Variants in AMZ2 observed in about 807,000 individuals in gnomAD.
AMZ2 encodes archaemetzincin-2.
A neutral mutation model predicts 36.7 loss-of-function variants in AMZ2; 26 were observed. That is an observed-to-expected ratio of 0.71 (90% CI 0.52 to 0.98). The LOEUF (loss-of-function observed/expected upper bound fraction) is 0.98. AMZ2 is among the 50% of genes least tolerant of loss of function. The pLI is 0.00. For synonymous variants in AMZ2, 144 were observed against 149.1 expected (o/e 0.97, Z 0.25); for missense variants, 394 against 430.5 (o/e 0.92, Z 0.75).
intron 1 of AMZ2, among the ~76,000 whole-genome samples, chr17:68,219,659 G>A (rs1234935953): frequency 3.3e-5 from 5 of 151,556 alleles, no homozygotes; most frequent in Admixed American, 3.3e-4. Flanking sequence ...AGCCTCTCAA[G>A]TAGCTGGGAC....
upstream of AMZ2, among the ~76,000 whole-genome samples, chr17:68,244,610 A>G (rs2073964307): frequency 6.6e-6 from 1 of 152,208 alleles, no homozygotes; most frequent in Non-Finnish European, 1.5e-5. Context: ...CAAATGGTTC[A>G]GGAAAACAAT....
chr17:68,213,575 C>T (rs1172687432), intron 1 of AMZ2, among the ~76,000 whole-genome samples: 3 of 152,186 alleles, frequency 2.0e-5, no homozygotes, highest in South Asian at 2.1e-4. Flanking sequence ...ACGGAATCTT[C>T]GCTGTCTATG....
intron 1 of AMZ2, among the ~76,000 whole-genome samples, chr17:68,220,807 G>T (rs1424531405): frequency 5.0e-5 from 7 of 138,710 alleles, no homozygotes; most frequent in South Asian, 2.4e-4. Flanking sequence ...TTGAGACAGG[G>T]TCTCAATCTG....
At chr17:68,215,020 GCCATCTGCCCTCCT>G (rs1414870380) in intron 1 of AMZ2, among the ~76,000 whole-genome samples, 1 of 152,182 alleles carries the variant, frequency 6.6e-6, no homozygotes, top group Admixed American at 6.5e-5. Context: ...GTGAGCTCAA[GCCATCTGCCCTCCT>G]CGGCCTCTCA....
chr17:68,224,343 A>G (rs1233122567), intron 1 of AMZ2, among the ~76,000 whole-genome samples: 3 of 152,182 alleles, frequency 2.0e-5, no homozygotes, highest in Non-Finnish European at 4.4e-5. Flanking sequence ...AAACAAGAAC[A>G]TGGGCTTTAC....
chr17:68,240,067 G>A (rs1176601865), intron 1 of AMZ2, among the ~76,000 whole-genome samples: 1 of 152,118 alleles, frequency 6.6e-6, no homozygotes, highest in African/African-American at 2.4e-5. Context: ...TATTTCCCAC[G>A]GTTCTAGGAA....
At chr17:68,252,585 C>T (rs550688766) in intron 4 of AMZ2, among the ~76,000 whole-genome samples, 1 of 152,304 alleles carries the variant, frequency 6.6e-6, no homozygotes. Flanking sequence ...CTCACTGCAA[C>T]CTCAACCTCC....
chr17:68,208,714 G>T lies in AMZ2; in HGVS notation c.-67+2476G>T, dbSNP rs2072922029. On this transcript the variant is annotated intron_variant, in intron 1 of 7. Coordinates refer to the AMZ2 transcript ENST00000674770. ...TGGGTCCACACTGCCTTTACGAGCT[G>T]TAATACTCACCGCGACGGTCTGCAG... 3.9e-5 allele frequency among the ~76,000 whole-genome samples: 6 copies of T among 152,294 alleles called. No homozygotes were observed. In the South Asian group the frequency reaches 1.2e-3, roughly 32 times the overall value.
At chr17:68,252,057 C>T (rs1163931225) in intron 4 of AMZ2, among the ~76,000 whole-genome samples, 2 of 151,896 alleles carry the variant, frequency 1.3e-5, no homozygotes, top group Non-Finnish European at 2.9e-5. Flanking sequence ...TTCTCCCCTC[C>T]CCTTAATTAT....
intron 1 of AMZ2, among the ~76,000 whole-genome samples, chr17:68,234,352 G>T (rs542018325): frequency 2.0e-5 from 3 of 151,720 alleles, no homozygotes; most frequent in African/African-American, 4.8e-5. Context: ...GGAGGCTGGG[G>T]TGAAAGGATC....
chr17:68,255,781 T>G lies in AMZ2; in HGVS notation c.832T>G (p.Leu278Val). The change falls in exon 6 of 7, where the codon TTG (leucine) becomes GTG (valine). Residue 278 changes from leucine (L) to valine (V), a missense_variant. Physicochemically the swap from Leu to Val is conservative, Grantham distance 32. Coordinates refer to ENST00000359904, the MANE Select transcript of AMZ2 (RefSeq NM_016627.5). ...LACLMQGSNH[L>V]EEADRRPLNL... ...ATGCCTCATGCAAGGCTCCAACCAC[T>G]TGGAAGAAGCTGACCGGCGCCCTCT... 2.3e-5 allele frequency: 37 copies of G among 1,614,110 alleles called. No individual in the cohort carries two copies. Among genetic ancestry groups the G allele is most frequent in the Non-Finnish European group, 3.1e-5 (37 of 1,179,996 alleles).
intron 1 of AMZ2, among the ~76,000 whole-genome samples, chr17:68,219,799 G>T (rs1288899894): frequency 6.6e-6 from 1 of 151,786 alleles, no homozygotes; most frequent in Non-Finnish European, 1.5e-5. Context: ...CTCCCGAAGT[G>T]CTGGGATTGT....
In AMZ2 at chr17:68,254,384, T is replaced by A; in HGVS notation, c.587-20T>A. 1 of 1,602,002 alleles carries A rather than the reference T, an allele frequency of 6.2e-7. No individual in the cohort carries two copies. Among genetic ancestry groups the A allele is most frequent in the Non-Finnish European group, 8.5e-7 (1 of 1,176,326 alleles). Reference sequence around the variant, plus strand: ...AGGGACCTTACTCTCATTCTGTCACTGTTTGTCCTTTTTTTGTAGGTGTGG... The same window carrying A: ...AGGGACCTTACTCTCATTCTGTCACAGTTTGTCCTTTTTTTGTAGGTGTGG... On this transcript the variant is annotated intron_variant, in intron 4 of 6. Coordinates refer to ENST00000359904, the MANE Select transcript of AMZ2 (RefSeq NM_016627.5).
intron 1 of AMZ2, among the ~76,000 whole-genome samples, chr17:68,211,676 A>T (rs1251984362): frequency 1.4e-5 from 2 of 140,428 alleles, no homozygotes; most frequent in African/African-American, 2.6e-5. Context: ...AGAATTGGGA[A>T]AACATATGTA....
chr17:68,228,823 C>G (rs1407765624), intron 1 of AMZ2, among the ~76,000 whole-genome samples: 2 of 152,276 alleles, frequency 1.3e-5, no homozygotes, highest in African/African-American at 4.8e-5. Context: ...GCCTGCTACA[C>G]CGACCCACCA....
intron 1 of AMZ2, among the ~76,000 whole-genome samples, chr17:68,209,632 A>ATATATATATT: frequency 1.1e-5 from 1 of 90,700 alleles, no homozygotes; most frequent in Non-Finnish European, 2.0e-5. Flanking sequence ...ATATATATAT[A>ATATATATATT]TTTTTTTTTT....
chr17:68,255,869 G>A lies in AMZ2; in HGVS notation c.920G>A (p.Arg307Lys). The stretch of plus-strand genomic sequence containing the variant: ...GCTGTTGGCTTCAGCATTGTAGAAA[G>A]ATACAAAGTAAGTTGGGGGGTGGAC... ...QCAVGFSIVE[R>K]YKALVRWIDD... The change falls in exon 6 of 7, where the codon AGA (arginine) becomes AAA (lysine). Residue 307 changes from arginine (R) to lysine (K), a missense_variant. Arg to Lys is a conservative substitution (Grantham distance 26, BLOSUM62 2). Transcript: ENST00000359904. 1 of 1,613,850 alleles carries A rather than the reference G, an allele frequency of 6.2e-7. No individual in the cohort carries two copies.
In AMZ2 at chr17:68,250,462, A is replaced by G. The variant is rs535867728; in HGVS notation, c.275A>G (p.Gln92Arg). The G allele has an allele frequency of 1.2e-6, 2 of 1,613,872 alleles. No homozygotes were observed. Among genetic ancestry groups the G allele is most frequent in the South Asian group, 2.2e-5 (2 of 91,056 alleles). The stretch of plus-strand genomic sequence containing the variant: ...CCAAACAAACGCAGCATTTATATAC[A>G]GTCCATTGGTAAATACTGGTAATGT... ...PSPNKRSIYIQSIGSLGNTRI... is the reference protein window; with the variant it reads ...PSPNKRSIYIRSIGSLGNTRI... Residue 92 changes from glutamine (Q) to arginine (R), a missense_variant, in exon 2 of 7, where the codon CAG (glutamine) becomes CGG (arginine). Physicochemically the swap from Gln to Arg is conservative, Grantham distance 43. Coordinates refer to ENST00000359904, the MANE Select transcript of AMZ2 (RefSeq NM_016627.5).
chr17:68,248,647 C>T lies in AMZ2; in HGVS notation c.-59C>T, dbSNP rs1179778036. 2.0e-6 allele frequency: 2 copies of T among 985,890 alleles called. No individual in the cohort carries two copies. Among genetic ancestry groups the T allele is most frequent in the African/African-American group, 3.5e-5 (2 of 57,254 alleles). The allele number at this position is 985,890 out of a possible 1,614,324, so 61.1% of individuals were successfully genotyped here. On this transcript the variant is annotated 5_prime_UTR_variant, in exon 1 of 7. Coordinates refer to ENST00000359904, the MANE Select transcript of AMZ2 (RefSeq NM_016627.5). The stretch of plus-strand genomic sequence containing the variant: ...TCCACAACTTTCTTCCAGCCAGGCC[C>T]AGACATGTCCGTCCTTGTAAGTTAA...
Sources: gnomAD v4.1 joint callset for allele counts (sites outside exome capture counted in the v4.1 genomes callset) on GRCh38, gnomAD v4.1.1 for gene constraint, MANE v1.5 for transcripts, NCBI Gene and HGNC (gene_info 2026-07-23, HGNC 2026-07-21) for gene names.